The following HDAC4 variants were observed in gnomAD, a reference collection of about 807,000 sequenced individuals.
HDAC4 encodes the protein histone deacetylase A.
A neutral mutation model predicts 135.1 loss-of-function variants in HDAC4; 16 were observed. The ratio of observed to expected loss-of-function variants is 0.12; its 90% CI spans 0.08 to 0.18. The LOEUF is 0.18. HDAC4 is among the 10% of genes least tolerant of loss of function. The probability of loss-of-function intolerance (pLI) is 1.00; values close to 1 mark genes in which losing one functional copy is unlikely to be tolerated. For synonymous variants in HDAC4, 685 were observed against 653.4 expected (o/e 1.05, Z -0.74); for missense variants, 1,143 against 1,511.8 (o/e 0.76, Z 4.05).
At chr2:239,154,170 C>T (rs947738282) in intron 7 of HDAC4, among the ~76,000 whole-genome samples, 2 of 151,986 alleles carry the variant, frequency 1.3e-5, no homozygotes, top group African/African-American at 4.8e-5. Flanking sequence ...TTTCCTGGGG[C>T]CCTTGGTGGA....
At chr2:239,105,425 G>A (rs542714519) in intron 15 of HDAC4, among the ~76,000 whole-genome samples, 60 of 152,310 alleles carry the variant, frequency 3.9e-4, no homozygotes, top group African/African-American at 1.3e-3. Context: ...GAGGACCCCC[G>A]ACTGCTCAGA....
intron 16 of HDAC4, among the ~76,000 whole-genome samples, chr2:239,101,375 C>T (rs1042103651): frequency 6.6e-6 from 1 of 152,146 alleles, no homozygotes; most frequent in African/African-American, 2.4e-5. Flanking sequence ...AAGGCGTGAG[C>T]GAGTGAGTGA....
At chr2:239,155,025 CTCT>C (rs1395911018) in intron 7 of HDAC4, 2 of 152,628 alleles carry the variant, frequency 1.3e-5, no homozygotes, top group African/African-American at 2.4e-5. Context: ...CGGCCCACTC[CTCT>C]GAGGTCACAG....
chr2:239,094,352 A>T (rs2036796710), intron 17 of HDAC4: 1 of 985,340 alleles, frequency 1.0e-6, no homozygotes, highest in African/African-American at 1.7e-5. Context: ...GGATGGGCAG[A>T]TGCCCAGACT....
chr2:239,142,996 C>T (rs1288979533), intron 8 of HDAC4, among the ~76,000 whole-genome samples: 4 of 152,020 alleles, frequency 2.6e-5, no homozygotes, highest in African/African-American at 9.7e-5. Context: ...CTGATCAGGC[C>T]CTGTCACACA....
chr2:239,074,532 C>T (rs1004874228), intron 22 of HDAC4, among the ~76,000 whole-genome samples: 2 of 152,266 alleles, frequency 1.3e-5, no homozygotes, highest in Non-Finnish European at 2.9e-5. Flanking sequence ...AGCCCAGGCT[C>T]GTGGGCACTG....
chr2:239,269,591 G>C (rs2049947590), intron 2 of HDAC4, among the ~76,000 whole-genome samples: 1 of 152,214 alleles, frequency 6.6e-6, no homozygotes, highest in African/African-American at 2.4e-5. Context: ...GCCTCCTGGA[G>C]GAGGAGGGTC....
chr2:239,202,200 T>C (rs1375234399), intron 3 of HDAC4, among the ~76,000 whole-genome samples: 1 of 152,198 alleles, frequency 6.6e-6, no homozygotes, highest in Non-Finnish European at 1.5e-5. Flanking sequence ...AGATGGGGAC[T>C]ACCTATAGTA....
intron 9 of HDAC4, among the ~76,000 whole-genome samples, chr2:239,137,225 G>A (rs1575154858): frequency 1.3e-5 from 2 of 152,218 alleles, no homozygotes; most frequent in South Asian, 2.1e-4. Context: ...CCTCGGGGCC[G>A]AGCCCTGCGG....
At chr2:239,324,785 G>A (rs2053421895) in intron 2 of HDAC4, among the ~76,000 whole-genome samples, 1 of 152,226 alleles carries the variant, frequency 6.6e-6, no homozygotes, top group Non-Finnish European at 1.5e-5. Context: ...CGTGGGCGAG[G>A]TGCTGCTGTA....
intron 12 of HDAC4, among the ~76,000 whole-genome samples, chr2:239,120,410 C>G (rs974052419): frequency 6.9e-5 from 10 of 145,150 alleles, no homozygotes; most frequent in East Asian, 4.2e-4. Context: ...CAGACACACA[C>G]ACACAGACAC....
intron 3 of HDAC4, among the ~76,000 whole-genome samples, chr2:239,211,489 A>G (rs566378200): frequency 6.6e-6 from 1 of 152,314 alleles, no homozygotes; most frequent in South Asian, 2.1e-4. Context: ...CCCAGCACTG[A>G]GTTTTATCTT....
At chr2:239,194,649 T>C (rs1366727722) in intron 3 of HDAC4, among the ~76,000 whole-genome samples, 1 of 152,224 alleles carries the variant, frequency 6.6e-6, no homozygotes, top group African/African-American at 2.4e-5. Flanking sequence ...GCCCAAATCT[T>C]CTGAATGTCG....
chr2:239,126,403 C>A, intron 12 of HDAC4, 53 bp downstream of exon 12: 1 of 1,611,350 alleles, frequency 6.2e-7, no homozygotes, highest in Non-Finnish European at 8.5e-7. Flanking sequence ...GAGGCTGAAG[C>A]GCACAGCACA....
rs139038730 is a variant in HDAC4, at chr2:239,337,443, T to C, written c.22+15235A>G. Among the ~76,000 whole-genome samples the C allele has an allele frequency of 1.8e-4, 28 of 152,312 alleles. No homozygotes were observed. The East Asian group carries it at 5.4e-3, about 29-fold the overall frequency. ...AACCCCACTGCAAGTCGGTTATCGC[T>C]GCAAACTTCCTCTCTCTAACAGGAA... On this transcript the variant is annotated intron_variant, in intron 2 of 26. Coordinates refer to ENST00000543185, the MANE Select transcript of HDAC4 (RefSeq NM_001378414.1).
intron 2 of HDAC4, among the ~76,000 whole-genome samples, chr2:239,252,287 G>A (rs1052307660): frequency 3.3e-5 from 5 of 152,180 alleles, no homozygotes; most frequent in South Asian, 2.1e-4. Flanking sequence ...AACAGCCATC[G>A]AATGGGTGCC....
intron 16 of HDAC4, among the ~76,000 whole-genome samples, chr2:239,097,686 C>G (rs1396654312): frequency 6.6e-6 from 1 of 152,158 alleles, no homozygotes; most frequent in Non-Finnish European, 1.5e-5. Flanking sequence ...GGCAAGAGAG[C>G]TAGTGCGCAG....
chr2:239,296,322 A>T (rs1170883101), intron 2 of HDAC4, among the ~76,000 whole-genome samples: 2 of 152,254 alleles, frequency 1.3e-5, no homozygotes, highest in Admixed American at 1.3e-4. Context: ...AAGGAGGCCA[A>T]TACCCGCCTG....
chr2:239,244,394 T>A (rs916999534), intron 2 of HDAC4, among the ~76,000 whole-genome samples: 6 of 152,030 alleles, frequency 3.9e-5, no homozygotes, highest in African/African-American at 7.2e-5. Context: ...CACCAAGACC[T>A]GCACCTCCTG....
Sources: allele counts gnomAD v4.1 joint callset (sites outside exome capture counted in the v4.1 genomes callset), GRCh38; gene constraint gnomAD v4.1.1; transcripts MANE v1.5; gene names NCBI Gene and HGNC (gene_info 2026-07-23, HGNC 2026-07-21).